Variants in PDPR observed in about 807,000 individuals in gnomAD.
PDPR encodes pyruvate dehydrogenase phosphatase regulatory subunit, mitochondrial.
A neutral mutation model predicts 102.2 loss-of-function variants in PDPR; 50 were observed. The observed-to-expected ratio is 0.49, with a 90% confidence interval of 0.39 to 0.62. The LOEUF is 0.62. PDPR is among the 20% of genes least tolerant of loss of function. The pLI, the probability that PDPR is intolerant of heterozygous loss-of-function variation, is 0.00. For synonymous variants in PDPR, 259 were observed against 406.0 expected (o/e 0.64, Z 4.35); for missense variants, 625 against 1,098.2 (o/e 0.57, Z 6.09).
chr16:70,141,801 C>T (rs1485635208), intron 11 of PDPR, among the ~76,000 whole-genome samples: 3 of 152,378 alleles, frequency 2.0e-5, no homozygotes, highest in Admixed American at 6.5e-5. Context: ...AATTAGACTA[C>T]ATTAGCCTGG....
rs1435899351 is a variant in PDPR at position 70,123,813 on chromosome 16, G to A, written c.227+3094G>A. ...CACACCTGTAATCCCAGGACTTTGG[G>A]AGGCCAAGGTGAGTGGATCACCGGA... is the stretch of plus-strand genomic sequence containing the variant. On this transcript the variant is annotated intron_variant, in intron 3 of 18. Transcript: ENST00000288050. 1.4e-4 allele frequency among the ~76,000 whole-genome samples: 22 copies of A among 152,384 alleles called. No individual in the cohort carries two copies. In the Middle Eastern group the frequency reaches 0.014, roughly 94 times the overall value.
intron 18 of PDPR, 174 bp from the exon 19 acceptor site, chr16:70,156,301 C>T: frequency 5.5e-6 from 4 of 731,332 alleles, no homozygotes; most frequent in Non-Finnish European, 8.7e-6. Context: ...TTATATTTCA[C>T]ATGCAGTTTT....
At chr16:70,131,847 G>A in intron 8 of PDPR, 2 of 1,415,826 alleles carry the variant, frequency 1.4e-6, no homozygotes, top group Non-Finnish European at 1.9e-6. Flanking sequence ...CCCCCTCTCT[G>A]TTAAACTTTC....
At chr16:70,135,427 A>C (rs1210888350) in intron 9 of PDPR, among the ~76,000 whole-genome samples, 1 of 152,232 alleles carries the variant, frequency 6.6e-6, no homozygotes, top group Non-Finnish European at 1.5e-5. Flanking sequence ...AGTAGAGACG[A>C]GGCTTCGCCA....
Position 70,132,177 on chromosome 16 carries a change from T to G in PDPR, c.874T>G (p.Tyr292Asp), listed in dbSNP as rs1427845829. 1 of 1,613,326 alleles carries G rather than the reference T, an allele frequency of 6.2e-7. No homozygotes were observed. Among genetic ancestry groups the G allele is most frequent in the South Asian group, 1.1e-5 (1 of 91,050 alleles). The change falls in exon 9 of 19, where the codon TAT (tyrosine) becomes GAT (aspartate). Residue 292 changes from tyrosine (Y) to aspartate (D), a missense_variant. Transcript: ENST00000288050. ...TATTGTGGATGCTGATGGAAGAATTTATATTCGGAACTGGCAGGGTGGCAT... is the reference window on the plus strand; with the variant it reads ...TATTGTGGATGCTGATGGAAGAATTGATATTCGGAACTGGCAGGGTGGCAT... The part of the protein sequence containing the change: ...PTIVDADGRI[Y>D]IRNWQGGILS...
At chr16:70,122,015 C>G (rs537513957) in intron 3 of PDPR, among the ~76,000 whole-genome samples, 1 of 152,234 alleles carries the variant, frequency 6.6e-6, no homozygotes, top group African/African-American at 2.4e-5. Context: ...GAAATGGAGT[C>G]TGGCTCTGTC....
chr16:70,140,414 C>G (rs1360570484), intron 11 of PDPR, among the ~76,000 whole-genome samples: 1 of 152,244 alleles, frequency 6.6e-6, no homozygotes, highest in Non-Finnish European at 1.5e-5. Context: ...ATTTCCCTAC[C>G]CATAGTTACT....
intron 2 of PDPR, among the ~76,000 whole-genome samples, chr16:70,118,860 C>T (rs983564422): frequency 2.6e-5 from 4 of 152,156 alleles, no homozygotes; most frequent in African/African-American, 9.7e-5. Flanking sequence ...GGATGTCTGC[C>T]TGGACACAGT....
rs1967588332 is a variant in PDPR, at chr16:70,159,595, G to A, written c.*2716G>A. ...TGGTCTAATGTGAGCTCTTTGAACAGACAGATCTGACAGTGAATGACTCTC... is the reference window on the plus strand; with the variant it reads ...TGGTCTAATGTGAGCTCTTTGAACAAACAGATCTGACAGTGAATGACTCTC... On this transcript the variant is annotated 3_prime_UTR_variant, in exon 19 of 19. Transcript: ENST00000288050. The A allele has an allele frequency of 6.5e-6, 1 of 152,854 alleles. No individual in the cohort carries two copies. Among genetic ancestry groups the A allele is most frequent in the Non-Finnish European group, 1.5e-5 (1 of 68,496 alleles). 9.5% of individuals were successfully genotyped at this position (152,854 alleles called of 1,614,324 possible).
chr16:70,117,660 T>C (rs181529150), intron 2 of PDPR, among the ~76,000 whole-genome samples: 3 of 152,290 alleles, frequency 2.0e-5, no homozygotes, highest in African/African-American at 4.8e-5. Context: ...TCACCTGATA[T>C]GTTTGACGAA....
At chr16:70,127,079 C>T (rs1444708598) in intron 3 of PDPR, among the ~76,000 whole-genome samples, 181 bp from the exon 4 acceptor site, 1 of 152,250 alleles carries the variant, frequency 6.6e-6, no homozygotes, top group Non-Finnish European at 1.5e-5. Context: ...AACCCCTGTC[C>T]TCAAGCAGTC....
At chr16:70,113,798 T>A (rs1962361178), upstream of PDPR, 2 of 146,348 alleles carry the variant, frequency 1.4e-5, no homozygotes, top group Non-Finnish European at 3.0e-5. Context: ...TCCTCCGAGG[T>A]GGGGCGGGCC....
chr16:70,147,689 G>C, intron 16 of PDPR: 1 of 446,424 alleles, frequency 2.2e-6, no homozygotes, highest in Non-Finnish European at 4.5e-6. Flanking sequence ...TACTGATGGA[G>C]ACTCTTTGAA....
Position 70,120,392 on chromosome 16 carries a change from A to C in PDPR, c.-32-69A>C, listed in dbSNP as rs564381476. On this transcript the variant is annotated intron_variant, in intron 2 of 18. Transcript: ENST00000288050. ...GAATGAATGGCTATCGTTCTTTGTC[A>C]AATCCCTTTCTCATTAATCCCATGC... The C allele has an allele frequency of 5.9e-4, 486 of 816,978 alleles. 8 individuals are homozygous for C. The South Asian group carries it at 7.9e-3, about 13-fold the overall frequency. 50.6% of individuals were successfully genotyped at this position (816,978 alleles called of 1,614,324 possible). A position where few individuals can be genotyped will look rare whatever the true frequency, so the allele number is the denominator to read the frequency against.
intron 3 of PDPR, among the ~76,000 whole-genome samples, chr16:70,126,450 A>T (rs1450856628): frequency 3.3e-5 from 5 of 152,084 alleles, no homozygotes; most frequent in Admixed American, 3.3e-4. Context: ...TGCAAGCTCC[A>T]CCTCCCGGGT....
intron 3 of PDPR, among the ~76,000 whole-genome samples, chr16:70,125,743 C>T (rs1229429219): frequency 6.6e-6 from 1 of 152,136 alleles, no homozygotes; most frequent in African/African-American, 2.4e-5. Flanking sequence ...AGGCGATCCT[C>T]CTGCCTCAGC....
intron 9 of PDPR, among the ~76,000 whole-genome samples, chr16:70,134,746 A>C (rs1404166200): frequency 1.3e-5 from 2 of 150,782 alleles, no homozygotes; most frequent in Non-Finnish European, 3.0e-5. Context: ...AGATCGCACC[A>C]CTGCACTCCA....
chr16:70,150,084 C>T lies in PDPR; in HGVS notation c.2052+1531C>T, dbSNP rs559460814. ...GATTAGAAGCGTGAGCCACCGCACCCGGCCGGCTTTTTTTTTTTTTTTTCT... is the reference window on the plus strand; with the variant it reads ...GATTAGAAGCGTGAGCCACCGCACCTGGCCGGCTTTTTTTTTTTTTTTTCT... On this transcript the variant is annotated intron_variant, in intron 17 of 18. Coordinates refer to ENST00000288050, the MANE Select transcript of PDPR (RefSeq NM_017990.5). Among the ~76,000 whole-genome samples, 6 of 151,102 alleles carry T rather than the reference C, an allele frequency of 4.0e-5. No homozygotes were observed. In the East Asian group the frequency reaches 5.9e-4, roughly 15 times the overall value.
intron 14 of PDPR, 34 bp downstream of exon 14, chr16:70,143,692 C>T (rs1965967614): frequency 1.2e-6 from 2 of 1,608,968 alleles, no homozygotes; most frequent in Admixed American, 1.7e-5. Context: ...CTGCTCCCTC[C>T]AACATGTTGA....
Sources: gnomAD v4.1 joint callset for allele counts (sites outside exome capture counted in the v4.1 genomes callset) on GRCh38, gnomAD v4.1.1 for gene constraint, MANE v1.5 for transcripts, NCBI Gene and HGNC (gene_info 2026-07-23, HGNC 2026-07-21) for gene names.